MSANTD4: variants seen among roughly 807,000 people sequenced by gnomAD.
MSANTD4 encodes the protein myb/SANT-like DNA-binding domain-containing protein 4.
A neutral mutation model predicts 34.3 loss-of-function variants in MSANTD4; 13 were observed. The ratio of observed to expected loss-of-function variants is 0.38; its 90% confidence interval spans 0.25 to 0.60. The LOEUF (loss-of-function observed/expected upper bound fraction) is 0.60, where lower values mean the gene tolerates loss of function less well. Ranked by LOEUF, MSANTD4 falls within the 20% of genes least tolerant of loss-of-function variation. The pLI, the probability that MSANTD4 is intolerant of heterozygous loss-of-function variation, is 0.63. For synonymous variants in MSANTD4, 137 were observed against 145.2 expected (o/e 0.94, Z 0.41); for missense variants, 358 against 401.8 (o/e 0.89, Z 0.93).
intron 1 of MSANTD4, among the ~76,000 whole-genome samples, chr11:106,016,316 T>TA (rs1859847414): frequency 2.0e-5 from 3 of 152,262 alleles, no homozygotes; most frequent in Admixed American, 2.0e-4. Flanking sequence ...AGCCACAATA[T>TA]AAAAAACTGA....
At chr11:106,011,261 G>T (rs9326351) in intron 1 of MSANTD4, among the ~76,000 whole-genome samples, 194 bp from the exon 2 acceptor site, 2,128 of 152,246 alleles carry the variant, frequency 0.014, 48 homozygotes, top group African/African-American at 0.049. Context: ...GTGCTGCAAA[G>T]GTTCCTAACC....
rs1429881176 is a variant in MSANTD4, at chr11:106,010,501, A to G, written c.417T>C (p.Thr139=). 6.2e-7 allele frequency: 1 copy of G among 1,613,972 alleles called. No individual in the cohort carries two copies. Among genetic ancestry groups the G allele is most frequent in the Non-Finnish European group, 8.5e-7 (1 of 1,179,990 alleles). The change falls in exon 2 of 3, where the codon ACT becomes ACC. Residue 139 remains threonine, a synonymous_variant. Coordinates refer to ENST00000301919, the MANE Select transcript of MSANTD4 (RefSeq NM_032424.3). The stretch of plus-strand genomic sequence containing the variant: ...TTTCTTCCTCTTCCACCTTGACCTC[A>G]GTTAAGGATCCACCTGCATCCCTGA... ...ADFRDAGGSL[T]EVKVEEEERD...
chr11:106,010,092 C>T lies in MSANTD4; in HGVS notation c.481G>A (p.Glu161Lys), dbSNP rs758690784. ...GGTATGACGGATGACAACATTTCTT[C>T]CTCCTCCTCAATTTCAAACTAAGAG... ...QSPEFEIEEE[E>K]EMLSSVIPDS... The change falls in exon 3 of 3, where the codon GAA becomes AAA. Residue 161 changes from glutamate to lysine, a missense_variant. Physicochemically the swap from Glu to Lys is moderately conservative, Grantham distance 56. This residue lies in a region of MSANTD4 where 312 missense variants were observed against 317.6 expected (regional missense o/e 0.98). Coordinates refer to ENST00000301919, the MANE Select transcript of MSANTD4 (RefSeq NM_032424.3). 2 of 1,565,902 alleles carry T rather than the reference C, an allele frequency of 1.3e-6. No individual in the cohort carries two copies. Among genetic ancestry groups the T allele is most frequent in the South Asian group, 2.3e-5 (2 of 85,460 alleles).
Position 106,010,829 on chromosome 11 carries a change from ACTT to A in MSANTD4, c.86_88del (p.Glu29del), listed in dbSNP as rs764924707. 6.2e-7 allele frequency: 1 copy of A among 1,614,104 alleles called. No homozygotes were observed. Among genetic ancestry groups the A allele is most frequent in the Non-Finnish European group, 8.5e-7 (1 of 1,180,016 alleles). On this transcript the variant is annotated inframe_deletion, in exon 2 of 3. Coordinates refer to ENST00000301919, the MANE Select transcript of MSANTD4 (RefSeq NM_032424.3). ...TGTATTGAGCTGCTTGGAAAAAATGACTTCTTTCCTTTTCGTAATTTCTTTCAA... is the reference window on the plus strand; with the variant it reads ...TGTATTGAGCTGCTTGGAAAAAATGACTTTCCTTTTCGTAATTTCTTTCAA...
At chr11:106,011,960 G>A (rs1859707525) in intron 1 of MSANTD4, among the ~76,000 whole-genome samples, 1 of 151,942 alleles carries the variant, frequency 6.6e-6, no homozygotes, top group Non-Finnish European at 1.5e-5. Flanking sequence ...TCATTTTAAG[G>A]TTAATAAACC....
At position 106,008,612 on chromosome 11, in the gene MSANTD4, A is replaced by G. The variant is rs540012281; in HGVS notation, c.*923T>C. ...CATTGGGTTCAAGCTCATGGACTAC[A>G]AGTACCATTTTTATACTGGTATCAT... On this transcript the variant is annotated 3_prime_UTR_variant, in exon 3 of 3. Transcript: ENST00000301919. The G allele has an allele frequency of 6.6e-6, 1 of 152,320 alleles. No homozygotes were observed. The highest frequency in any genetic ancestry group is 2.1e-4 in the South Asian group (1 of 4,824). 9.4% of individuals were successfully genotyped at this position (152,320 alleles called of 1,614,324 possible). A position where few individuals can be genotyped will look rare whatever the true frequency, so the allele number is the denominator to read the frequency against.
At chr11:106,010,335 C>A in intron 2 of MSANTD4, 121 bp downstream of exon 2, 1 of 1,429,734 alleles carries the variant, frequency 7.0e-7, no homozygotes, top group Non-Finnish European at 9.2e-7. Flanking sequence ...AGCAGAATGA[C>A]TTGTTATGTA....
intron 1 of MSANTD4, among the ~76,000 whole-genome samples, chr11:106,014,426 C>T (rs529922822): frequency 3.9e-5 from 6 of 152,278 alleles, no homozygotes; most frequent in East Asian, 1.9e-4. Context: ...TCTCAGTTTA[C>T]CTTTTAACAC....
intron 1 of MSANTD4, among the ~76,000 whole-genome samples, chr11:106,011,650 C>T (rs746676449): frequency 6.6e-5 from 10 of 152,132 alleles, no homozygotes; most frequent in Non-Finnish European, 1.3e-4. Context: ...CAGTTCACTG[C>T]AAAGTTTCAC....
chr11:106,010,337 T>G, intron 2 of MSANTD4, 119 bp downstream of exon 2: 2 of 1,434,584 alleles, frequency 1.4e-6, no homozygotes, highest in Non-Finnish European at 1.8e-6. Context: ...CAGAATGACT[T>G]GTTATGTACT....
At position 106,008,383 on chromosome 11, in the gene MSANTD4, A is replaced by G. The variant is rs1474266790; in HGVS notation, c.*1152T>C. The G allele has an allele frequency of 6.6e-6, 1 of 152,260 alleles. No homozygotes were observed. Among genetic ancestry groups the G allele is most frequent in the African/African-American group, 2.4e-5 (1 of 41,470 alleles). The allele number at this position is 152,260 out of a possible 1,614,324, so 9.4% of individuals were successfully genotyped here. A position where few individuals can be genotyped will look rare whatever the true frequency, so the allele number is the denominator to read the frequency against. On this transcript the variant is annotated 3_prime_UTR_variant, in exon 3 of 3. Coordinates refer to ENST00000301919, the MANE Select transcript of MSANTD4 (RefSeq NM_032424.3). Reference sequence around the variant, plus strand: ...TCTGTGTCACTTCTCTGAGCTTCACATTCAGAAATAACGACAGATACAACT... The same window carrying G: ...TCTGTGTCACTTCTCTGAGCTTCACGTTCAGAAATAACGACAGATACAACT...
At position 106,010,949 on chromosome 11, in the gene MSANTD4, G is replaced by A. The variant is rs571929364; in HGVS notation, c.-32C>T. 6.5e-7 allele frequency: 1 copy of A among 1,545,850 alleles called. No homozygotes were observed. Among genetic ancestry groups the A allele is most frequent in the East Asian group, 2.3e-5 (1 of 44,396 alleles). ...TTTCAATGCAGTTTTTATGGTAAGA[G>A]ATGTGAAAACAATTTGAGGAATGCT... On this transcript the variant is annotated 5_prime_UTR_variant, in exon 2 of 3. Transcript: ENST00000301919.
Position 106,008,307 on chromosome 11 carries a change from G to A in MSANTD4, c.*1228C>T, listed in dbSNP as rs1424276907. 1 of 152,372 alleles carries A rather than the reference G, an allele frequency of 6.6e-6. No individual in the cohort carries two copies. The highest frequency in any genetic ancestry group is 1.5e-5 in the Non-Finnish European group (1 of 68,026). The allele number at this position is 152,372 out of a possible 1,614,324, so 9.4% of individuals were successfully genotyped here. ...CTAAAGATACGTGCTTTGTTCCTCA[G>A]GGAAGAGGGAAGGACAAAATATACT... is the stretch of plus-strand genomic sequence containing the variant. On this transcript the variant is annotated 3_prime_UTR_variant, in exon 3 of 3. Coordinates refer to ENST00000301919, the MANE Select transcript of MSANTD4 (RefSeq NM_032424.3).
chr11:106,010,996 T>C lies in MSANTD4; in HGVS notation c.-79A>G. 1 of 1,464,312 alleles carries C rather than the reference T, an allele frequency of 6.8e-7. No homozygotes were observed. The highest frequency in any genetic ancestry group is 9.0e-7 in the Non-Finnish European group (1 of 1,112,468). The allele number at this position is 1,464,312 out of a possible 1,614,324, so 90.7% of individuals were successfully genotyped here. A position where few individuals can be genotyped will look rare whatever the true frequency, so the allele number is the denominator to read the frequency against. On this transcript the variant is annotated 5_prime_UTR_variant, in exon 2 of 3. Transcript: ENST00000301919. ...TGCTGCAAAGCACAAAAACCAGGGA[T>C]AATTCTTTGCTGGCCCTTAGTTCAA...
chr11:106,011,184 A>T (rs1859679497), intron 1 of MSANTD4, 117 bp from the exon 2 acceptor site: 1 of 432,320 alleles, frequency 2.3e-6, no homozygotes, highest in Non-Finnish European at 3.9e-6. Context: ...ATATAGCTTA[A>T]AATTGTGTAC....
In MSANTD4 at chr11:106,010,461, G is replaced by A. The variant is rs778447426; in HGVS notation, c.457C>T (p.Pro153Ser). Residue 153 changes from proline (P) to serine (S), a missense_variant, in exon 2 of 3, where the codon CCT becomes TCT. Around this residue, in one of 2 missense-constraint regions of MSANTD4, gnomAD observed 312 missense variants for 317.6 expected, o/e 0.98. Transcript: ENST00000301919. ...VEEEERDPQS[P>S]EFEIEEEEEM... Reference sequence around the variant, plus strand: ...GTACAGAGGCTAATACTTACTTCAGGACTCTGCGGATCCCTTTCTTCCTCT... The same window carrying A: ...GTACAGAGGCTAATACTTACTTCAGAACTCTGCGGATCCCTTTCTTCCTCT... 6.7e-5 allele frequency: 108 copies of A among 1,611,520 alleles called. No homozygotes were observed. Among genetic ancestry groups the A allele is most frequent in the Non-Finnish European group, 9.1e-5 (107 of 1,178,788 alleles).
chr11:106,010,575 T>C lies in MSANTD4; in HGVS notation c.343A>G (p.Ile115Val), dbSNP rs781082228. 6.2e-7 allele frequency: 1 copy of C among 1,614,148 alleles called. No individual in the cohort carries two copies. The highest frequency in any genetic ancestry group is 1.1e-5 in the South Asian group (1 of 91,088). ...DSLTEEIDEKIGFRNDANFDW... is the reference protein window; with the variant it reads ...DSLTEEIDEKVGFRNDANFDW... ...AAATTTGCATCATTTCGGAATCCAATCTTTTCATCTATCTCTTCAGTGAGA... is the reference window on the plus strand; with the variant it reads ...AAATTTGCATCATTTCGGAATCCAACCTTTTCATCTATCTCTTCAGTGAGA... Residue 115 changes from isoleucine to valine, a missense_variant, in exon 2 of 3, where the codon ATT becomes GTT. Physicochemically the swap from Ile to Val is conservative, Grantham distance 29 (BLOSUM62 3). Around this residue, in one of 2 missense-constraint regions of MSANTD4, gnomAD observed 312 missense variants for 317.6 expected, o/e 0.98. Transcript: ENST00000301919.
In MSANTD4 at chr11:106,009,539, T is replaced by A; in HGVS notation, c.1034A>T (p.Gln345Leu). The change falls in exon 3 of 3, where the codon CAG (glutamine) becomes CTG (leucine). Residue 345 changes from glutamine (Q) to leucine (L), a missense_variant. Transcript: ENST00000301919. ...CTAAATGGAAGCCTGGAAAAATCAC[T>A]GCAAGTGTCCTTCTTTCTGAATTCG... The part of the protein sequence containing the change: ...RLRIQKEGHL[Q>L] The A allele has an allele frequency of 6.3e-7, 1 of 1,595,690 alleles. No homozygotes were observed. Among genetic ancestry groups the A allele is most frequent in the South Asian group, 1.1e-5 (1 of 88,504 alleles).
At chr11:106,019,325 C>T (rs1323362009) in intron 1 of MSANTD4, among the ~76,000 whole-genome samples, 6 of 152,140 alleles carry the variant, frequency 3.9e-5, no homozygotes, top group East Asian at 1.9e-4. Context: ...CACATTAAAA[C>T]GGTAAAAAGA....
Sources: allele counts gnomAD v4.1 joint callset (sites outside exome capture counted in the v4.1 genomes callset), GRCh38; gene constraint gnomAD v4.1.1; regional missense constraint gnomAD v4.1.1; transcripts MANE v1.5; gene names NCBI Gene and HGNC (gene_info 2026-07-23, HGNC 2026-07-21).